Variants in RYR2 observed in about 807,000 individuals in gnomAD.
RYR2 encodes the protein ryanodine receptor 2.
Under a neutral mutation model 601.1 loss-of-function variants are expected in RYR2, and 227 were observed. The observed-to-expected ratio is 0.38, with a 90% confidence interval of 0.34 to 0.42. The LOEUF (loss-of-function observed/expected upper bound fraction) is 0.42. Among genes scored for constraint, RYR2 ranks in the 10% least tolerant of loss-of-function variants. The probability of loss-of-function intolerance (pLI) is 1.00; values close to 1 mark genes in which losing one functional copy is unlikely to be tolerated. For missense variants in RYR2, 4,646 were observed against 6,156.5 expected, an observed-to-expected ratio of 0.75 and a Z score of 8.21; for synonymous variants, 2,223 against 2,175.1, an observed-to-expected ratio of 1.02 and a Z score of -0.61.
At chr1:237,799,267 T>A (rs774517017) in intron 97 of RYR2, among the ~76,000 whole-genome samples, 4 of 152,186 alleles carry the variant, frequency 2.6e-5, no homozygotes, top group Non-Finnish European at 4.4e-5. Context: ...GGATCTGTGT[T>A]CCTTATGTTA....
rs1694850412 is a variant in RYR2, at chr1:237,778,601, T to C, written c.11776-65T>C. 3 of 800,730 alleles carry C rather than the reference T, an allele frequency of 3.7e-6. No homozygotes were observed. The East Asian group carries it at 7.5e-5, about 20-fold the overall frequency. The allele number at this position is 800,730 out of a possible 1,614,324, so 49.6% of individuals were successfully genotyped here. On this transcript the variant is annotated intron_variant, in intron 87 of 104. Coordinates refer to ENST00000366574, the MANE Select transcript of RYR2 (RefSeq NM_001035.3). ...CACTAAGTCAACTTTTCCCCTGTTA[T>C]TGTACAGTTTGTTTTGGCAAATAAA...
rs571452995 is a variant in RYR2, at chr1:237,141,800, G to T, written c.48+99231G>T. On this transcript the variant is annotated intron_variant, in intron 1 of 104. Coordinates refer to ENST00000366574, the MANE Select transcript of RYR2 (RefSeq NM_001035.3). ...TGCTATGTTCCCGGATCCTCTCCAG[G>T]ATGTTTGGGTTCTCAGAAACACCTT... Among the ~76,000 whole-genome samples, 9 of 152,268 alleles carry T rather than the reference G, an allele frequency of 5.9e-5. No individual in the cohort carries two copies. The East Asian group carries it at 1.5e-3, about 26-fold the overall frequency.
chr1:237,574,713 G>C (rs1347652793), intron 29 of RYR2, among the ~76,000 whole-genome samples: 1 of 152,032 alleles, frequency 6.6e-6, no homozygotes, highest in Admixed American at 6.6e-5. Context: ...ACAGCCCCAA[G>C]TTCATAGCTG....
At chr1:237,262,707 G>C (rs1048577376) in intron 1 of RYR2, among the ~76,000 whole-genome samples, 2 of 152,098 alleles carry the variant, frequency 1.3e-5, no homozygotes, top group Non-Finnish European at 2.9e-5. Flanking sequence ...GGTTTCCGTG[G>C]AGTTTAAGCT....
chr1:237,717,150 A>G, intron 71 of RYR2, 48 bp from the exon 72 acceptor site: 1 of 1,567,446 alleles, frequency 6.4e-7, no homozygotes, highest in South Asian at 1.1e-5. Context: ...GTGGTTCTAC[A>G]TGTGAGAAAA....
At chr1:237,105,460 G>C (rs1351691333) in intron 1 of RYR2, among the ~76,000 whole-genome samples, 1 of 152,114 alleles carries the variant, frequency 6.6e-6, no homozygotes, top group Non-Finnish European at 1.5e-5. Context: ...ATTTTGGAAG[G>C]CCAAGACGGG....
chr1:237,665,397 C>CA (rs71162408), intron 56 of RYR2, among the ~76,000 whole-genome samples: 8,967 of 93,908 alleles, frequency 0.095, 517 homozygotes, highest in East Asian at 0.38. Flanking sequence ...GACTCTGTCT[C>CA]AAAAAAAAAA....
chr1:237,680,766 G>A (rs893230625), intron 62 of RYR2, among the ~76,000 whole-genome samples, 189 bp downstream of exon 62: 2 of 152,136 alleles, frequency 1.3e-5, no homozygotes, highest in African/African-American at 2.4e-5. Flanking sequence ...TAGATGTTGA[G>A]TTTCTTTATA....
chr1:237,631,346 T>C (rs992808948), intron 41 of RYR2, 81 bp from the exon 42 acceptor site: 31 of 842,602 alleles, frequency 3.7e-5, no homozygotes, highest in Non-Finnish European at 5.4e-5. Flanking sequence ...ATAAATTATT[T>C]CTAAAAGATT....
At chr1:237,651,336 A>T in intron 50 of RYR2, 75 bp from the exon 51 acceptor site, 1 of 1,013,344 alleles carries the variant, frequency 9.9e-7, no homozygotes, top group South Asian at 1.4e-5. Flanking sequence ...TGGCTGATAT[A>T]ATTTATTCTA....
In RYR2 at chr1:237,694,818, T is replaced by C. The variant is rs1000078817; in HGVS notation, c.9068-4147T>C. On this transcript the variant is annotated intron_variant, in intron 63 of 104. Transcript: ENST00000366574. ...TTACTCTGTTCAATATCACAGACTT[T>C]AGAAATAACAAAGTCATTGACACTC... Among the ~76,000 whole-genome samples, 5 of 152,334 alleles carry C rather than the reference T, an allele frequency of 3.3e-5. No individual in the cohort carries two copies. In the East Asian group the frequency reaches 9.6e-4, roughly 29 times the overall value.
intron 100 of RYR2, 55 bp downstream of exon 100, chr1:237,809,090 T>C: frequency 6.8e-7 from 1 of 1,480,036 alleles, no homozygotes; most frequent in South Asian, 1.2e-5. Flanking sequence ...GCTTCTGCAG[T>C]CTAAGTAATT....
intron 97 of RYR2, among the ~76,000 whole-genome samples, chr1:237,798,514 T>A (rs1398754951): frequency 6.6e-6 from 1 of 152,198 alleles, no homozygotes; most frequent in East Asian, 1.9e-4. Flanking sequence ...TGGTAATTCC[T>A]GTTTGAAAAA....
intron 80 of RYR2, among the ~76,000 whole-genome samples, chr1:237,742,968 T>C (rs571725343): frequency 6.6e-6 from 1 of 152,378 alleles, no homozygotes; most frequent in East Asian, 1.9e-4. Flanking sequence ...AAGTTAATAG[T>C]ATTTTCCCCC....
At chr1:237,123,750 C>T (rs12097256) in intron 1 of RYR2, among the ~76,000 whole-genome samples, 8,583 of 148,664 alleles carry the variant, frequency 0.058, 848 homozygotes, top group African/African-American at 0.2. Context: ...TCACTGCAAG[C>T]TCCGCTTCCC....
chr1:237,474,222 G>GGTATCTATACATATATATGTATAT lies in RYR2; in HGVS notation c.1708+5035_1708+5036insGTATCTATACATATATATGTATAT, dbSNP rs150747532. ...ATATATGTGTGTGTGTGTGTGTGTAGATCTATACATATATATGTATAGATA... is the reference window on the plus strand; with the variant it reads ...ATATATGTGTGTGTGTGTGTGTGTAGGTATCTATACATATATATGTATATATCTATACATATATATGTATAGATA... On this transcript the variant is annotated intron_variant, in intron 17 of 104. Transcript: ENST00000366574. Among the ~76,000 whole-genome samples the GGTATCTATACATATATATGTATAT allele has an allele frequency of 2.2e-3, 278 of 126,814 alleles. 2 individuals are homozygous for GGTATCTATACATATATATGTATAT. Among genetic ancestry groups the GGTATCTATACATATATATGTATAT allele is most frequent in the South Asian group, 5.9e-3 (19 of 3,236 alleles). 83.2% of individuals were successfully genotyped at this position (126,814 alleles called of 152,430 possible). A position where few individuals can be genotyped will look rare whatever the true frequency, so the allele number is the denominator to read the frequency against.
intron 1 of RYR2, among the ~76,000 whole-genome samples, chr1:237,100,845 T>G (rs771811099): frequency 6.6e-6 from 1 of 152,144 alleles, no homozygotes; most frequent in Non-Finnish European, 1.5e-5. Flanking sequence ...TCCCGGCCCC[T>G]GGGAAACTCA....
At chr1:237,052,894 G>A (rs1661467290) in intron 1 of RYR2, among the ~76,000 whole-genome samples, 1 of 152,026 alleles carries the variant, frequency 6.6e-6, no homozygotes, top group African/African-American at 2.4e-5. Flanking sequence ...CTGTTGCCAG[G>A]CTGGAGTGCA....
At position 237,120,167 on chromosome 1, in the gene RYR2, AT is replaced by A. The variant is rs778701956; in HGVS notation, c.48+77607del. On this transcript the variant is annotated intron_variant, in intron 1 of 104. Coordinates refer to ENST00000366574, the MANE Select transcript of RYR2 (RefSeq NM_001035.3). The stretch of plus-strand genomic sequence containing the variant: ...TTATCTATAAAATGGTTTAATAGTC[AT>A]TTTTTTTTATCAGGGGTTTTGAGAA... 2.3e-3 allele frequency among the ~76,000 whole-genome samples: 352 copies of A among 151,196 alleles called. 2 individuals carry two copies. Among genetic ancestry groups the A allele is most frequent in the East Asian group, 0.019 (99 of 5,158 alleles).
Sources: allele counts gnomAD v4.1 joint callset (sites outside exome capture counted in the v4.1 genomes callset), GRCh38; gene constraint gnomAD v4.1.1; transcripts MANE v1.5; gene names NCBI Gene and HGNC (gene_info 2026-07-23, HGNC 2026-07-21).